LRRC7: variants seen among roughly 807,000 people sequenced by gnomAD.
LRRC7 encodes the protein leucine-rich repeat-containing protein 7.
In LRRC7, 23 loss-of-function variants were observed where a neutral mutation model predicts 175.7. That is an observed-to-expected ratio of 0.13 (90% confidence interval 0.09 to 0.19). The LOEUF (loss-of-function observed/expected upper bound fraction) is 0.19, where lower values mean the gene tolerates loss of function less well. LRRC7 is among the 10% of genes least tolerant of loss of function. The pLI, the probability that LRRC7 is intolerant of heterozygous loss-of-function variation, is 1.00. For synonymous variants in LRRC7, 685 were observed against 680.9 expected, an observed-to-expected ratio of 1.01 and a Z score of -0.09; for missense variants, 1,354 against 1,904.7, an observed-to-expected ratio of 0.71 and a Z score of 5.38.
intron 1 of LRRC7, among the ~76,000 whole-genome samples, chr1:69,633,833 T>A (rs1331949235): frequency 6.6e-6 from 1 of 152,188 alleles, no homozygotes; most frequent in East Asian, 1.9e-4. Flanking sequence ...CCCCTCACCC[T>A]GGCAAGAGGA....
chr1:70,054,261 G>A (rs1443250922), intron 23 of LRRC7, among the ~76,000 whole-genome samples: 1 of 151,982 alleles, frequency 6.6e-6, no homozygotes, highest in African/African-American at 2.4e-5. Context: ...ATATTTCAAA[G>A]CAATAAAAAT....
intron 24 of LRRC7, among the ~76,000 whole-genome samples, chr1:70,089,045 T>C (rs1052361666): frequency 3.3e-5 from 5 of 152,144 alleles, no homozygotes; most frequent in African/African-American, 1.2e-4. Context: ...GTCTCCATAT[T>C]GTTGACCTCT....
chr1:69,889,505 C>T lies in LRRC7; in HGVS notation c.648-42002C>T. On this transcript the variant is annotated intron_variant, in intron 7 of 26. Transcript: ENST00000651989. ...ACAGCATCTTTACCAGGAGTAGATT[C>T]CATCTCAAGAAACCACTTTCGCTAG... Among the ~76,000 whole-genome samples, 2 of 152,162 alleles carry T rather than the reference C, an allele frequency of 1.3e-5. 1 individual carries two copies. The highest frequency in any genetic ancestry group is 3.9e-4 in the East Asian group (2 of 5,190).
chr1:69,613,266 G>T (rs974623706), intron 1 of LRRC7, among the ~76,000 whole-genome samples: 5 of 151,906 alleles, frequency 3.3e-5, no homozygotes, highest in African/African-American at 1.2e-4. Context: ...ATTTAATCTG[G>T]CAGAGATCAG....
intron 8 of LRRC7, among the ~76,000 whole-genome samples, chr1:69,968,340 C>G (rs777743839): frequency 2.0e-5 from 3 of 152,022 alleles, no homozygotes; most frequent in Non-Finnish European, 4.4e-5. Context: ...TAATGTATTC[C>G]TGAGGAAGAA....
chr1:70,027,240 C>G (rs1331509339), intron 17 of LRRC7, among the ~76,000 whole-genome samples: 1 of 151,978 alleles, frequency 6.6e-6, no homozygotes, highest in Non-Finnish European at 1.5e-5. Flanking sequence ...TCCTTTTTTT[C>G]CCAGTCCCTT....
intron 7 of LRRC7, among the ~76,000 whole-genome samples, chr1:69,868,138 T>C (rs1685133304): frequency 6.6e-6 from 1 of 152,112 alleles, no homozygotes; most frequent in Admixed American, 6.5e-5. Flanking sequence ...TGGTGGACTA[T>C]ATTATGAAGC....
At chr1:69,680,303 G>T (rs1343802758) in intron 2 of LRRC7, among the ~76,000 whole-genome samples, 1 of 152,088 alleles carries the variant, frequency 6.6e-6, no homozygotes, top group Non-Finnish European at 1.5e-5. Context: ...GACATCAGAC[G>T]ATACTAAATC....
At chr1:70,105,813 A>C (rs1326111072) in intron 25 of LRRC7, among the ~76,000 whole-genome samples, 1 of 152,160 alleles carries the variant, frequency 6.6e-6, no homozygotes, top group Non-Finnish European at 1.5e-5. Flanking sequence ...GTTAAAAGTT[A>C]TACAGTTTTC....
At chr1:69,911,767 A>C (rs1232127969) in intron 7 of LRRC7, among the ~76,000 whole-genome samples, 1 of 152,192 alleles carries the variant, frequency 6.6e-6, no homozygotes, top group Non-Finnish European at 1.5e-5. Flanking sequence ...ACTTTGGCAG[A>C]TTACTTTTAA....
chr1:69,890,354 G>A (rs777317681), intron 7 of LRRC7, among the ~76,000 whole-genome samples: 12 of 152,190 alleles, frequency 7.9e-5, no homozygotes, highest in Non-Finnish European at 1.5e-5. Flanking sequence ...CATTGTCAAT[G>A]AACAGTATAT....
rs1192557561 is a variant in LRRC7 at position 70,134,821 on chromosome 1, A to G, written c.*12934A>G. ...TCCTCTCTTTTCAGAGAAGTTAAAT[A>G]TCTCCTTAACAAATTTAAATTGTAC... On this transcript the variant is annotated 3_prime_UTR_variant, in exon 27 of 27. Transcript: ENST00000651989. Among the ~76,000 whole-genome samples the G allele has an allele frequency of 2.6e-5, 4 of 152,212 alleles. No homozygotes were observed. The highest frequency in any genetic ancestry group is 7.2e-5 in the African/African-American group (3 of 41,448).
At chr1:69,762,313 G>T (rs917107098) in intron 3 of LRRC7, among the ~76,000 whole-genome samples, 1 of 151,942 alleles carries the variant, frequency 6.6e-6, no homozygotes, top group Non-Finnish European at 1.5e-5. Flanking sequence ...GGTTACAAGA[G>T]AAATAAATCT....
At chr1:69,816,381 G>A (rs187108232) in intron 4 of LRRC7, among the ~76,000 whole-genome samples, 169 of 152,210 alleles carry the variant, frequency 1.1e-3, no homozygotes, top group African/African-American at 4.0e-3. Context: ...GTATCACCTT[G>A]GGTGTTAGGA....
At chr1:70,034,358 C>G (rs979216526) in intron 18 of LRRC7, among the ~76,000 whole-genome samples, 3 of 147,036 alleles carry the variant, frequency 2.0e-5, no homozygotes, top group Non-Finnish European at 4.5e-5. Context: ...AATATGGCCT[C>G]TTTAAAAGGA....
intron 1 of LRRC7, among the ~76,000 whole-genome samples, chr1:69,667,340 T>A (rs957498498): frequency 2.6e-5 from 4 of 151,304 alleles, no homozygotes; most frequent in Admixed American, 6.6e-5. Context: ...CACTGCAGAT[T>A]AAGTCTGATG....
chr1:69,770,086 G>T (rs916471173), intron 3 of LRRC7, among the ~76,000 whole-genome samples: 2 of 152,128 alleles, frequency 1.3e-5, no homozygotes, highest in Admixed American at 1.3e-4. Flanking sequence ...ATTTTCTGAG[G>T]ATGGCAATTT....
intron 7 of LRRC7, among the ~76,000 whole-genome samples, chr1:69,895,093 G>T (rs928751866): frequency 6.6e-6 from 1 of 152,196 alleles, no homozygotes; most frequent in East Asian, 1.9e-4. Flanking sequence ...TTAGCCAGGC[G>T]TGGTGGTGCT....
At position 69,709,951 on chromosome 1, in the gene LRRC7, G is replaced by T. The variant is rs1436890199; in HGVS notation, c.100+31473G>T. 2.0e-5 allele frequency among the ~76,000 whole-genome samples: 3 copies of T among 152,142 alleles called. No individual in the cohort carries two copies. In the South Asian group the frequency reaches 6.2e-4, roughly 32 times the overall value. On this transcript the variant is annotated intron_variant, in intron 2 of 26. Transcript: ENST00000651989. ...GGATATATGAAGCAAGACTTTTTAA[G>T]TTTCATTTCTTATGATAATGGTAGG...
Sources: gnomAD v4.1 joint callset for allele counts (sites outside exome capture counted in the v4.1 genomes callset) on GRCh38, gnomAD v4.1.1 for gene constraint, MANE v1.5 for transcripts, NCBI Gene and HGNC (gene_info 2026-07-23, HGNC 2026-07-21) for gene names.